SYNPR: variants seen among roughly 807,000 people sequenced by gnomAD.
SYNPR encodes synaptoporin.
Under a neutral mutation model 32.9 loss-of-function variants are expected in SYNPR, and 23 were observed. The ratio of observed to expected loss-of-function variants is 0.70; its 90% CI spans 0.50 to 0.99. The LOEUF is 0.99. Among genes scored for constraint, SYNPR ranks in the 50% least tolerant of loss-of-function variants. The pLI is 0.00. For synonymous variants in SYNPR, 146 were observed against 135.9 expected (o/e 1.07, Z -0.52); for missense variants, 318 against 349.3 (o/e 0.91, Z 0.71).
intron 4 of SYNPR, among the ~76,000 whole-genome samples, chr3:63,600,206 T>C (rs1000929958): frequency 1.3e-5 from 2 of 152,108 alleles, no homozygotes; most frequent in Non-Finnish European, 2.9e-5. Context: ...CTTAGCAGAG[T>C]GCTGGCGTAT....
At chr3:63,287,207 A>G (rs1486191560) in intron 2 of SYNPR, among the ~76,000 whole-genome samples, 3 of 152,182 alleles carry the variant, frequency 2.0e-5, no homozygotes. Flanking sequence ...TCATACCAAG[A>G]GACAATTTCT....
At chr3:63,386,917 T>C (rs1035277905) in intron 2 of SYNPR, among the ~76,000 whole-genome samples, 5 of 152,162 alleles carry the variant, frequency 3.3e-5, no homozygotes, top group African/African-American at 4.8e-5. Flanking sequence ...CTCTGCTGAG[T>C]GGCCTCTGCT....
intron 3 of SYNPR, among the ~76,000 whole-genome samples, chr3:63,269,402 T>A (rs942034720): frequency 5.9e-5 from 9 of 151,490 alleles, no homozygotes; most frequent in Admixed American, 5.3e-4. Context: ...GGCAGGAGAA[T>A]CACTTGAACC....
intron 2 of SYNPR, among the ~76,000 whole-genome samples, chr3:63,320,721 A>G (rs943307892): frequency 2.0e-5 from 3 of 152,092 alleles, no homozygotes; most frequent in Admixed American, 6.6e-5. Context: ...TCGTTTGTAC[A>G]TTTCAGAAAC....
intron 2 of SYNPR, among the ~76,000 whole-genome samples, chr3:63,301,070 A>G (rs1367467436): frequency 1.3e-5 from 2 of 152,130 alleles, no homozygotes; most frequent in Non-Finnish European, 2.9e-5. Context: ...TCAGGCTTGA[A>G]TCTTTCTTCC....
chr3:63,299,242 G>A (rs921741685), intron 2 of SYNPR, among the ~76,000 whole-genome samples: 1 of 152,126 alleles, frequency 6.6e-6, no homozygotes, highest in Non-Finnish European at 1.5e-5. Context: ...TAGGGAGAGG[G>A]AGAGAAGATC....
At chr3:63,441,649 G>A (rs1053286205) in intron 2 of SYNPR, among the ~76,000 whole-genome samples, 1 of 152,148 alleles carries the variant, frequency 6.6e-6, no homozygotes, top group Non-Finnish European at 1.5e-5. Flanking sequence ...TCTCATTGAA[G>A]TGCAGAGATT....
chr3:63,245,856 A>G (rs2106884761), intron 1 of SYNPR, among the ~76,000 whole-genome samples: 1 of 151,996 alleles, frequency 6.6e-6, no homozygotes, highest in East Asian at 1.9e-4. Flanking sequence ...CCCATTTTCT[A>G]ACAATGAACA....
chr3:63,481,436 T>C (rs998193979), intron 3 of SYNPR, among the ~76,000 whole-genome samples: 6 of 145,420 alleles, frequency 4.1e-5, no homozygotes, highest in Non-Finnish European at 9.1e-5. Flanking sequence ...ATATTAAGTG[T>C]ATATATATAT....
chr3:63,508,254 C>T (rs1505586), intron 3 of SYNPR, among the ~76,000 whole-genome samples: 22,650 of 152,124 alleles, frequency 0.15, 1,932 homozygotes, highest in Non-Finnish European at 0.2. Context: ...ATTCATTCAC[C>T]TACAAGAATT....
At chr3:63,306,410 G>A (rs1052243457) in intron 2 of SYNPR, among the ~76,000 whole-genome samples, 3 of 151,872 alleles carry the variant, frequency 2.0e-5, no homozygotes, top group Non-Finnish European at 2.9e-5. Flanking sequence ...ATTATAAATA[G>A]GATAGCTGTA....
At chr3:63,436,396 T>C (rs947854543) in intron 2 of SYNPR, among the ~76,000 whole-genome samples, 16 of 144,402 alleles carry the variant, frequency 1.1e-4, no homozygotes, top group African/African-American at 3.8e-4. Flanking sequence ...TGTGTTCTCA[T>C]TGTTCAATTC....
intron 2 of SYNPR, among the ~76,000 whole-genome samples, chr3:63,396,091 A>T (rs1463023930): frequency 6.6e-6 from 1 of 152,222 alleles, no homozygotes; most frequent in African/African-American, 2.4e-5. Context: ...GACAGAAAAC[A>T]GCTACGACGT....
chr3:63,495,857 G>A (rs1373808721), intron 3 of SYNPR, among the ~76,000 whole-genome samples: 1 of 152,012 alleles, frequency 6.6e-6, no homozygotes, highest in African/African-American at 2.4e-5. Context: ...AAACTACTCT[G>A]TATAATACTA....
rs554962499 is a variant in SYNPR at position 63,337,724 on chromosome 3, C to A, written c.84+58982C>A. ...TAAGCCACAGAAGACATGGAGTAAT[C>A]TTAAGTGCATGTTACTGAGTGAAAG... On this transcript the variant is annotated intron_variant, in intron 2 of 5. Transcript: ENST00000478300. 2.3e-3 allele frequency among the ~76,000 whole-genome samples: 353 copies of A among 152,266 alleles called. 1 individual carries two copies. The highest frequency in any genetic ancestry group is 3.8e-3 in the Non-Finnish European group (260 of 68,028).
intron 4 of SYNPR, among the ~76,000 whole-genome samples, chr3:63,563,657 TA>T (rs755876649): frequency 2.0e-4 from 31 of 152,174 alleles, no homozygotes; most frequent in Admixed American, 2.6e-4. Context: ...TAATAGGTAA[TA>T]AGTGTCTTCA....
chr3:63,519,744 A>G (rs1454191418), intron 3 of SYNPR, among the ~76,000 whole-genome samples: 1 of 152,236 alleles, frequency 6.6e-6, no homozygotes, highest in Non-Finnish European at 1.5e-5. Context: ...TAACATGCTC[A>G]ATTAATATGT....
Position 63,278,518 on chromosome 3 carries a change from C to T in SYNPR, c.-16C>T. 6.5e-7 allele frequency: 1 copy of T among 1,546,956 alleles called. No homozygotes were observed. Among genetic ancestry groups the T allele is most frequent in the Non-Finnish European group, 8.7e-7 (1 of 1,144,300 alleles). On this transcript the variant is annotated 5_prime_UTR_variant, in exon 1 of 6. Coordinates refer to ENST00000478300, the MANE Select transcript of SYNPR (RefSeq NM_001130003.2). The stretch of plus-strand genomic sequence containing the variant: ...AAAAAGAACTGGTGGATGAGAAGAG[C>T]GAGCGAGGGCGAGCTATGGACCCTG...
At chr3:63,396,665 A>G (rs982967362) in intron 2 of SYNPR, among the ~76,000 whole-genome samples, 8 of 152,188 alleles carry the variant, frequency 5.3e-5, no homozygotes, top group African/African-American at 1.9e-4. Flanking sequence ...TCAATACTTA[A>G]AATCTGACAT....
Sources: allele counts gnomAD v4.1 joint callset (sites outside exome capture counted in the v4.1 genomes callset), GRCh38; gene constraint gnomAD v4.1.1; transcripts MANE v1.5; gene names NCBI Gene and HGNC (gene_info 2026-07-23, HGNC 2026-07-21).